Variants in ABCA10 observed in about 807,000 individuals in gnomAD.
ABCA10 encodes the protein ATP binding cassette subfamily A member 10, also known as ATP-binding cassette sub-family A member 10.
A neutral mutation model predicts 187.5 loss-of-function variants in ABCA10; 169 were observed. The observed-to-expected ratio is 0.90, with a 90% CI of 0.80 to 1.02. The LOEUF is 1.02. Among genes scored for constraint, ABCA10 ranks in the 50% least tolerant of loss-of-function variants. The pLI is 0.00. For missense variants in ABCA10, 1,727 were observed against 1,812.4 expected (o/e 0.95, Z 0.86); for synonymous variants, 574 against 601.8 (o/e 0.95, Z 0.68).
chr17:69,184,916 TACACACACAC>T lies in ABCA10; in HGVS notation c.2497+551_2497+560del, dbSNP rs142309537. Among the ~76,000 whole-genome samples the T allele has an allele frequency of 5.6e-3, 790 of 141,598 alleles. 5 individuals carry two copies. Among genetic ancestry groups the T allele is most frequent in the Middle Eastern group, 0.014 (4 of 280 alleles). The allele number at this position is 141,598 out of a possible 152,430, so 92.9% of individuals were successfully genotyped here. On this transcript the variant is annotated intron_variant, in intron 20 of 38. Transcript: ENST00000690296. ...ACATACATATATATAACTTTTTAAA[TACACACACAC>T]ACACACACACACACACACACACCTT... is the stretch of plus-strand genomic sequence containing the variant.
chr17:69,195,557 T>TG lies in ABCA10; in HGVS notation c.1235-1063_1235-1062insC, dbSNP rs1568064285. ...ATTATCAAACAATGAAGTTTTTCTT[T>TG]TTTTTTTTTTTTTTTAGTATTTATT... On this transcript the variant is annotated intron_variant, in intron 11 of 38. Transcript: ENST00000690296. 6.3e-5 allele frequency among the ~76,000 whole-genome samples: 9 copies of TG among 142,382 alleles called. No individual in the cohort carries two copies. In the South Asian group the frequency reaches 2.0e-3, roughly 31 times the overall value. 93.4% of individuals were successfully genotyped at this position (142,382 alleles called of 152,430 possible).
rs1389571333 is a variant in ABCA10 at position 69,194,396 on chromosome 17, A to C, written c.1334T>G (p.Val445Gly). Reference protein sequence around the residue: ...TLLNILSGLSVSTEGSATIYN... With the variant: ...TLLNILSGLSGSTEGSATIYN... ...AACTGTTTTCTCACCTTCTGTAGAA[A>C]CAGACAATCCACTAAGAATGTTTAG... The change falls in exon 12 of 39, where the codon GTT becomes GGT. Residue 445 changes from valine to glycine, a missense_variant. Val to Gly is a moderately radical substitution (Grantham distance 109, BLOSUM62 -3). Transcript: ENST00000690296. 2 of 1,420,992 alleles carry C rather than the reference A, an allele frequency of 1.4e-6. No homozygotes were observed. The highest frequency in any genetic ancestry group is 1.9e-6 in the Non-Finnish European group (2 of 1,060,818). The allele number at this position is 1,420,992 out of a possible 1,614,324, so 88.0% of individuals were successfully genotyped here.
rs575114277 is a variant in ABCA10 at position 69,211,937 on chromosome 17, T to C, written c.1006+2767A>G. 4.5e-4 allele frequency among the ~76,000 whole-genome samples: 68 copies of C among 152,278 alleles called. 1 individual carries two copies. Among genetic ancestry groups the C allele is most frequent in the African/African-American group, 1.5e-3 (63 of 41,586 alleles). ...TCAACTTTTCAAAGAACCAGCTTTT[T>C]GTTTCATTTATTTTTTGTATTTTTT... On this transcript the variant is annotated intron_variant, in intron 9 of 38. Transcript: ENST00000690296.
At chr17:69,157,947 A>G (rs1294759824) in intron 27 of ABCA10, among the ~76,000 whole-genome samples, 2 of 152,142 alleles carry the variant, frequency 1.3e-5, no homozygotes, top group East Asian at 3.9e-4. Context: ...AATATAAAAT[A>G]AAATTTATTA....
At chr17:69,225,292 T>C (rs1194503931) in intron 3 of ABCA10, 33 bp downstream of exon 3, 1 of 1,609,876 alleles carries the variant, frequency 6.2e-7, no homozygotes, top group Non-Finnish European at 8.5e-7. Flanking sequence ...TTAAGTCACA[T>C]AATACTGAAA....
Position 69,224,447 on chromosome 17 carries a change from A to G in ABCA10, c.34+878T>C, listed in dbSNP as rs1022705002. Among the ~76,000 whole-genome samples the G allele has an allele frequency of 2.0e-5, 3 of 152,144 alleles. No homozygotes were observed. The East Asian group carries it at 5.8e-4, about 29-fold the overall frequency. On this transcript the variant is annotated intron_variant, in intron 3 of 38. Transcript: ENST00000690296. Reference sequence around the variant, plus strand: ...GAAGAAAAGAACATTTTATCCTGATACTTTCCCTATGCAGGAGCAAAGGCC... The same window carrying G: ...GAAGAAAAGAACATTTTATCCTGATGCTTTCCCTATGCAGGAGCAAAGGCC...
chr17:69,185,704 C>T, intron 19 of ABCA10, 61 bp from the exon 20 acceptor site: 1 of 1,375,516 alleles, frequency 7.3e-7, no homozygotes, highest in Non-Finnish European at 1.0e-6. Flanking sequence ...ATTTAAGTCA[C>T]AAAGATGCTA....
intron 25 of ABCA10, among the ~76,000 whole-genome samples, chr17:69,167,772 C>A (rs2074264377): frequency 6.6e-6 from 1 of 152,096 alleles, no homozygotes; most frequent in Non-Finnish European, 1.5e-5. Flanking sequence ...GACATGGAAT[C>A]TTCTATGATA....
intron 1 of ABCA10, among the ~76,000 whole-genome samples, chr17:69,241,481 G>A (rs2074903056): frequency 6.6e-6 from 1 of 152,122 alleles, no homozygotes; most frequent in Non-Finnish European, 1.5e-5. Context: ...AATGACTTCT[G>A]ATCTCATTGA....
At chr17:69,173,417 C>G (rs2074311373) in intron 25 of ABCA10, among the ~76,000 whole-genome samples, 1 of 152,136 alleles carries the variant, frequency 6.6e-6, no homozygotes, top group African/African-American at 2.4e-5. Flanking sequence ...GTAACTGTAA[C>G]AGCTCCAGTG....
At chr17:69,151,505 T>C (rs540227351) in intron 36 of ABCA10, among the ~76,000 whole-genome samples, 42 of 152,284 alleles carry the variant, frequency 2.8e-4, no homozygotes, top group Non-Finnish European at 5.4e-4. Flanking sequence ...TTCAATTAAA[T>C]TCAGCCTCAT....
intron 9 of ABCA10, among the ~76,000 whole-genome samples, chr17:69,213,497 A>G (rs1191997590): frequency 6.6e-6 from 1 of 152,184 alleles, no homozygotes; most frequent in African/African-American, 2.4e-5. Context: ...GATAGCCAGG[A>G]AAGTGGGGGA....
intron 6 of ABCA10, among the ~76,000 whole-genome samples, chr17:69,216,782 A>G (rs1220840264): frequency 6.6e-6 from 1 of 152,162 alleles, no homozygotes; most frequent in African/African-American, 2.4e-5. Context: ...CTTATACTAA[A>G]GCTTTCTAAG....
intron 36 of ABCA10, among the ~76,000 whole-genome samples, chr17:69,151,788 C>A (rs530730439): frequency 6.6e-6 from 1 of 152,298 alleles, no homozygotes; most frequent in East Asian, 1.9e-4. Flanking sequence ...TGTTCTTAAT[C>A]TCCAAGCCAT....
chr17:69,210,915 C>T (rs1443494718), intron 9 of ABCA10, among the ~76,000 whole-genome samples: 1 of 147,524 alleles, frequency 6.8e-6, no homozygotes, highest in African/African-American at 2.6e-5. Flanking sequence ...TGGGCTGGTC[C>T]CATATTTTTG....
intron 20 of ABCA10, among the ~76,000 whole-genome samples, chr17:69,183,763 G>C (rs536558605): frequency 6.6e-6 from 1 of 152,122 alleles, no homozygotes; most frequent in Non-Finnish European, 1.5e-5. Context: ...CCTTGGGGAG[G>C]GCTGCCAGTG....
intron 9 of ABCA10, among the ~76,000 whole-genome samples, chr17:69,212,415 T>A (rs1223502961): frequency 6.6e-6 from 1 of 152,190 alleles, no homozygotes; most frequent in Non-Finnish European, 1.5e-5. Context: ...GAATGTTCCA[T>A]GTGCTGATGA....
Position 69,162,838 on chromosome 17 carries a change from C to CATATACATATACATATACATATATATAT in ABCA10, c.3363+1235_3363+1236insATATATATATGTATATGTATATGTATAT, listed in dbSNP as rs375141032. ...ACATATACATATACATATACATATA[C>CATATACATATACATATACATATATATAT]ATATATATATATATATATGAGACGG... On this transcript the variant is annotated intron_variant, in intron 27 of 38. Transcript: ENST00000690296. 9.9e-5 allele frequency among the ~76,000 whole-genome samples: 12 copies of CATATACATATACATATACATATATATAT among 120,836 alleles called. No individual in the cohort carries two copies. The East Asian group carries it at 1.2e-3, about 13-fold the overall frequency. 79.3% of individuals were successfully genotyped at this position (120,836 alleles called of 152,430 possible). A position where few individuals can be genotyped will look rare whatever the true frequency, so the allele number is the denominator to read the frequency against.
chr17:69,169,784 G>A (rs2074282926), intron 25 of ABCA10, among the ~76,000 whole-genome samples: 1 of 152,122 alleles, frequency 6.6e-6, no homozygotes, highest in South Asian at 2.1e-4. Flanking sequence ...CATATAAACA[G>A]TGTTTCTTCC....
Sources: allele counts gnomAD v4.1 joint callset (sites outside exome capture counted in the v4.1 genomes callset), GRCh38; gene constraint gnomAD v4.1.1; transcripts MANE v1.5; gene names NCBI Gene and HGNC (gene_info 2026-07-23, HGNC 2026-07-21).